ZFP62: variants seen among roughly 807,000 people sequenced by gnomAD.
ZFP62 encodes ZFP62 zinc finger protein.
Under a neutral mutation model 56.4 loss-of-function variants are expected in ZFP62, and 44 were observed. That is an observed-to-expected ratio of 0.78 (90% CI 0.61 to 1.00). ZFP62 has a LOEUF of 1.00. Ranked by LOEUF, ZFP62 falls within the 50% of genes least tolerant of loss-of-function variation. The probability of loss-of-function intolerance (pLI) is 0.00; values close to 1 mark genes in which losing one functional copy is unlikely to be tolerated. For missense variants in ZFP62, 1,030 were observed against 1,085.7 expected (o/e 0.95, Z 0.72); for synonymous variants, 421 against 388.9 (o/e 1.08, Z -0.97).
In ZFP62 at chr5:180,849,426, T is replaced by C; in HGVS notation, c.2069A>G (p.Asn690Ser). Residue 690 changes from asparagine to serine, a missense_variant, in exon 2 of 2, where the codon AAC becomes AGC. Transcript: ENST00000502412. Reference sequence around the variant, plus strand: ...CCTGCCAGGGTGGGTACTCTTATGGTTAATAAGGCTTGAGTGTGAGATGTA... The same window carrying C: ...CCTGCCAGGGTGGGTACTCTTATGGCTAATAAGGCTTGAGTGTGAGATGTA... The part of the protein sequence containing the change: ...KAYISHSSLI[N>S]HKSTHPGRTP... The C allele has an allele frequency of 6.4e-7, 1 of 1,551,406 alleles. No individual in the cohort carries two copies. Among genetic ancestry groups the C allele is most frequent in the Non-Finnish European group, 8.7e-7 (1 of 1,146,724 alleles).
rs755768339 is a variant in ZFP62, at chr5:180,848,867, A to C, written c.2628T>G (p.Tyr876Ter). ...ESLNVIYVGS[Y>*]SGTSQKRTYE... Reference sequence around the variant, plus strand: ...AGGTTCTCTTCTGGGATGTGCCACTATAACTTCCCACATATATCACATTTA... The same window carrying C: ...AGGTTCTCTTCTGGGATGTGCCACTCTAACTTCCCACATATATCACATTTA... Residue 876 changes from tyrosine to a stop codon, truncating the protein, a stop_gained, in exon 2 of 2, where the codon TAT (tyrosine) becomes TAG (stop). Transcript: ENST00000502412. LOFTEE classifies it high-confidence loss of function. 6.4e-7 allele frequency: 1 copy of C among 1,551,628 alleles called. No individual in the cohort carries two copies. The highest frequency in any genetic ancestry group is 2.0e-5 in the Admixed American group (1 of 51,004).
chr5:180,854,376 G>A (rs558803017), intron 1 of ZFP62, among the ~76,000 whole-genome samples: 1 of 152,222 alleles, frequency 6.6e-6, no homozygotes, highest in Non-Finnish European at 1.5e-5. Context: ...AGGGGAGAAA[G>A]GGAGGCCTCT....
In ZFP62 at chr5:180,848,087, A is replaced by T; in HGVS notation, c.*705T>A. On this transcript the variant is annotated 3_prime_UTR_variant, in exon 2 of 2. Transcript: ENST00000502412. ...ATTATGGGAGTTCATCTGAAACTTT[A>T]AAAAAGTTTCATCCATTCAACTAAT... 1.0e-6 allele frequency: 1 copy of T among 982,924 alleles called. No individual in the cohort carries two copies. The highest frequency in any genetic ancestry group is 1.2e-6 in the Non-Finnish European group (1 of 829,872). The allele number at this position is 982,924 out of a possible 1,614,324, so 60.9% of individuals were successfully genotyped here. A position where few individuals can be genotyped will look rare whatever the true frequency, so the allele number is the denominator to read the frequency against.
At chr5:180,831,780 C>CAGTTGT in the ZFP62 span, 1 of 152,924 alleles carries the variant, frequency 6.5e-6, no homozygotes. Context: ...ACCTCAGTTG[C>CAGTTGT]CACGTGCACA....
At chr5:180,834,789 C>T in the ZFP62 span, 1 of 152,214 alleles carries the variant, frequency 6.6e-6, no homozygotes, top group African/African-American at 2.4e-5. Flanking sequence ...TAGGTGTCAA[C>T]TTGACAGGAT....
At chr5:180,832,156 A>G in the ZFP62 span, among the ~76,000 whole-genome samples, 40 of 151,854 alleles carry the variant, frequency 2.6e-4, no homozygotes, top group Admixed American at 1.3e-4. Context: ...ATTCACTTCT[A>G]ATTTCTTTTT....
chr5:180,854,219 CAAGTA>C (rs1409653470), intron 1 of ZFP62, among the ~76,000 whole-genome samples: 2 of 152,038 alleles, frequency 1.3e-5, no homozygotes, highest in African/African-American at 4.8e-5. Context: ...GCTATACCAG[CAAGTA>C]AAGAGAGGCT....
the ZFP62 span, among the ~76,000 whole-genome samples, chr5:180,839,145 A>C: frequency 6.6e-6 from 1 of 152,250 alleles, no homozygotes; most frequent in Non-Finnish European, 1.5e-5. Flanking sequence ...CAAATGTGCC[A>C]ATATCATGTA....
rs1432350470 is a variant in ZFP62 at position 180,849,116 on chromosome 5, T to C, written c.2379A>G (p.Ala793=). The C allele has an allele frequency of 6.4e-7, 1 of 1,558,382 alleles. No homozygotes were observed. Among genetic ancestry groups the C allele is most frequent in the African/African-American group, 1.4e-5 (1 of 73,184 alleles). The part of the protein sequence containing the change: ...KPYECDECGK[A]YISHSSLINH... ...TGATAAGACTTGAGTGTGAGATGTA[T>C]GCCTTCCCACACTCATCACATTCAT... Residue 793 remains alanine (A), a synonymous_variant, in exon 2 of 2, where the codon GCA becomes GCG. Transcript: ENST00000502412.
At chr5:180,834,611 G>C in the ZFP62 span, 1 of 151,964 alleles carries the variant, frequency 6.6e-6, no homozygotes, top group African/African-American at 2.4e-5. Context: ...AGAACAGTAA[G>C]AAAGAAATGT....
the ZFP62 span, among the ~76,000 whole-genome samples, chr5:180,838,101 G>T: frequency 2.0e-5 from 3 of 152,178 alleles, no homozygotes; most frequent in African/African-American, 7.2e-5. Context: ...ATGAAAAAAA[G>T]AATTCCCTTC....
Position 180,849,034 on chromosome 5 carries a change from A to G in ZFP62, c.2461T>C (p.Phe821Leu). 1.3e-6 allele frequency: 2 copies of G among 1,552,206 alleles called. No homozygotes were observed. Among genetic ancestry groups the G allele is most frequent in the Non-Finnish European group, 8.7e-7 (1 of 1,147,086 alleles). Reference sequence around the variant, plus strand: ...TGGTCAAGGACTGATCTATAATTGAAGGATTTCCCACACTCACAATTATAG... The same window carrying G: ...TGGTCAAGGACTGATCTATAATTGAGGGATTTCCCACACTCACAATTATAG... ...QPYNCECGKS[F>L]NYRSVLDQHK... Residue 821 changes from phenylalanine to leucine, a missense_variant, in exon 2 of 2, where the codon TTC becomes CTC. Phe to Leu is a conservative substitution (Grantham distance 22). Transcript: ENST00000502412.
rs778533584 is a variant in ZFP62, at chr5:180,848,975, G to C, written c.2520C>G (p.Tyr840Ter). Residue 840 changes from tyrosine (Y) to a stop codon, truncating the protein, a stop_gained, in exon 2 of 2, where the codon TAC becomes TAG. Transcript: ENST00000502412. LOFTEE classifies it high-confidence loss of function. ...AAGCCTTACCACACTCATTACATCG[G>C]TATGGCTTCTTTCCAGTGTGGATCC... The part of the protein sequence containing the change: ...HKRIHTGKKP[Y>*]RCNECGKAFN... 3 of 1,551,644 alleles carry C rather than the reference G, an allele frequency of 1.9e-6. No homozygotes were observed. The highest frequency in any genetic ancestry group is 2.6e-6 in the Non-Finnish European group (3 of 1,146,978).
chr5:180,838,085 T>C, the ZFP62 span, among the ~76,000 whole-genome samples: 2 of 152,314 alleles, frequency 1.3e-5, no homozygotes, highest in African/African-American at 4.8e-5. Flanking sequence ...AAATTTCTAC[T>C]AAGAGATGAA....
the ZFP62 span, among the ~76,000 whole-genome samples, chr5:180,829,210 G>T: frequency 9.9e-5 from 14 of 142,002 alleles, no homozygotes; most frequent in Non-Finnish European, 1.9e-4. Context: ...CCTTTGTCCT[G>T]TTTCCTCAGA....
At chr5:180,845,865 G>GT (rs1314519624), downstream of ZFP62, 49 of 985,334 alleles carry the variant, frequency 5.0e-5, no homozygotes, top group Non-Finnish European at 5.8e-5. Context: ...TTCACGCCCA[G>GT]TGTCTTCATA....
chr5:180,846,521 T>C (rs1306324112), downstream of ZFP62, among the ~76,000 whole-genome samples: 1 of 152,208 alleles, frequency 6.6e-6, no homozygotes, highest in Non-Finnish European at 1.5e-5. Flanking sequence ...CCCTCCTTCC[T>C]GCCCACACAT....
intron 1 of ZFP62, among the ~76,000 whole-genome samples, chr5:180,856,308 G>A (rs1773968626): frequency 6.6e-6 from 1 of 152,096 alleles, no homozygotes; most frequent in Non-Finnish European, 1.5e-5. Context: ...GAAAATAGAT[G>A]GCTTGAAATG....
chr5:180,856,609 G>C (rs1408971449), intron 1 of ZFP62, among the ~76,000 whole-genome samples: 1 of 152,132 alleles, frequency 6.6e-6, no homozygotes, highest in Non-Finnish European at 1.5e-5. Context: ...CTGCCATCAA[G>C]GTGCCTGCAG....
Sources: allele counts gnomAD v4.1 joint callset (sites outside exome capture counted in the v4.1 genomes callset), GRCh38; gene constraint gnomAD v4.1.1; transcripts MANE v1.5; gene names NCBI Gene and HGNC (gene_info 2026-07-23, HGNC 2026-07-21).